The following PDK1 variants were observed in gnomAD, a reference collection of about 807,000 sequenced individuals.
PDK1 encodes the protein pyruvate dehydrogenase kinase 1, also known as [Pyruvate dehydrogenase (acetyl-transferring)] kinase isozyme 1, mitochondrial.
A neutral mutation model predicts 54.2 loss-of-function variants in PDK1; 39 were observed. The ratio of observed to expected loss-of-function variants is 0.72; its 90% CI spans 0.56 to 0.94. The LOEUF is 0.94. PDK1 is among the 40% of genes least tolerant of loss of function. The pLI, the probability that PDK1 is intolerant of heterozygous loss-of-function variation, is 0.00. For missense variants in PDK1, 552 were observed against 566.0 expected (o/e 0.98, Z 0.25); for synonymous variants, 221 against 207.1 (o/e 1.07, Z -0.58).
the PDK1 span, among the ~76,000 whole-genome samples, chr2:172,709,416 T>C: frequency 4.6e-5 from 7 of 152,262 alleles, no homozygotes; most frequent in South Asian, 2.1e-4. Flanking sequence ...CATCAATATG[T>C]TTTGTTGAAA....
the PDK1 span, among the ~76,000 whole-genome samples, chr2:172,711,865 CAAAAAAAAAAAAAA>C: frequency 1.3e-4 from 3 of 22,780 alleles, no homozygotes; most frequent in African/African-American, 3.9e-4. Flanking sequence ...GAACCTAGCT[CAAAAAAAAAAAAAA>C]AAAAAAAAAA....
chr2:172,583,668 CA>C (rs1171284551), intron 8 of PDK1, among the ~76,000 whole-genome samples: 1 of 151,992 alleles, frequency 6.6e-6, no homozygotes, highest in Non-Finnish European at 1.5e-5. Flanking sequence ...ATTCGAGGCA[CA>C]TCTTTCAATG....
the PDK1 span, among the ~76,000 whole-genome samples, chr2:172,616,537 G>A: frequency 1.3e-5 from 2 of 152,160 alleles, no homozygotes; most frequent in South Asian, 2.1e-4. Flanking sequence ...GAAAGGTGAG[G>A]GGATGATAAG....
chr2:172,693,829 T>C, the PDK1 span, among the ~76,000 whole-genome samples: 4 of 152,090 alleles, frequency 2.6e-5, no homozygotes, highest in African/African-American at 4.8e-5. Context: ...AGTCCTCTTG[T>C]CTTATGCAGG....
chr2:172,586,288 G>A lies in PDK1; in HGVS notation c.956G>A (p.Arg319Gln), dbSNP rs368778633. Residue 319 changes from arginine to glutamine, a missense_variant, in exon 9 of 11, where the codon CGA becomes CAA. Coordinates refer to ENST00000282077, the MANE Select transcript of PDK1 (RefSeq NM_002610.5). ...CTTTTCTTACCTTAGATGAGTGACCGAGGAGGTGGCGTTCCTTTGAGGAAA... is the reference window on the plus strand; with the variant it reads ...CTTTTCTTACCTTAGATGAGTGACCAAGGAGGTGGCGTTCCTTTGAGGAAA... The part of the protein sequence containing the change: ...NEDLTVKMSD[R>Q]GGGVPLRKID... 115 of 1,607,854 alleles carry A rather than the reference G, an allele frequency of 7.2e-5. No homozygotes were observed. The highest frequency in any genetic ancestry group is 6.6e-4 in the Middle Eastern group (4 of 6,042).
the PDK1 span, among the ~76,000 whole-genome samples, chr2:172,695,134 A>G: frequency 7.9e-5 from 12 of 152,126 alleles, no homozygotes; most frequent in Non-Finnish European, 1.0e-4. Context: ...CAAAACAAAA[A>G]AAGTTTAGCG....
chr2:172,668,084 G>A, the PDK1 span, among the ~76,000 whole-genome samples: 2 of 152,202 alleles, frequency 1.3e-5, no homozygotes, highest in East Asian at 1.9e-4. Context: ...TTTGAGAGAA[G>A]CTCCAGGAAG....
the PDK1 span, among the ~76,000 whole-genome samples, chr2:172,624,307 G>A: frequency 6.6e-6 from 1 of 152,196 alleles, no homozygotes; most frequent in African/African-American, 2.4e-5. Flanking sequence ...TCTGTGGCCT[G>A]TAAGGAACCC....
the PDK1 span, among the ~76,000 whole-genome samples, chr2:172,701,593 GT>G: frequency 1.3e-5 from 2 of 150,318 alleles, no homozygotes; most frequent in South Asian, 4.2e-4. Flanking sequence ...TCTTTTCAGA[GT>G]CTGTGAGTCC....
chr2:172,609,902 A>G (rs1287135042), downstream of PDK1, among the ~76,000 whole-genome samples: 1 of 151,926 alleles, frequency 6.6e-6, no homozygotes, highest in Non-Finnish European at 1.5e-5. Flanking sequence ...GCTCACTGCA[A>G]CCTCCGCCTC....
the PDK1 span, among the ~76,000 whole-genome samples, chr2:172,714,952 G>C: frequency 6.6e-6 from 1 of 152,092 alleles, no homozygotes. Context: ...AATGAAAAAT[G>C]AATATAGATT....
the PDK1 span, among the ~76,000 whole-genome samples, chr2:172,688,452 C>G: frequency 6.6e-6 from 1 of 152,164 alleles, no homozygotes; most frequent in South Asian, 2.1e-4. Flanking sequence ...CTGTGTTCTC[C>G]TTGCCAGCTG....
chr2:172,566,693 C>CAAA (rs764324321), intron 5 of PDK1, among the ~76,000 whole-genome samples, 163 bp from the exon 6 acceptor site: 37 of 59,552 alleles, frequency 6.2e-4, no homozygotes, highest in African/African-American at 2.0e-3. Context: ...ATGTCTCTAC[C>CAAA]AAAAAAAAAA....
At chr2:172,713,318 C>T in the PDK1 span, among the ~76,000 whole-genome samples, 1 of 152,206 alleles carries the variant, frequency 6.6e-6, no homozygotes, top group Non-Finnish European at 1.5e-5. Flanking sequence ...TCACTCCAGT[C>T]CGTGGAACTG....
At chr2:172,586,241 G>A in intron 8 of PDK1, 37 bp from the exon 9 acceptor site, 1 of 1,284,118 alleles carries the variant, frequency 7.8e-7, no homozygotes, top group African/African-American at 1.5e-5. Flanking sequence ...CTGTTTTGAG[G>A]ATTTGGGCAT....
At chr2:172,617,514 T>C in the PDK1 span, among the ~76,000 whole-genome samples, 1 of 152,070 alleles carries the variant, frequency 6.6e-6, no homozygotes, top group African/African-American at 2.4e-5. Context: ...TCTCTCTGCT[T>C]CCAAGATGGC....
the PDK1 span, among the ~76,000 whole-genome samples, chr2:172,661,363 C>T: frequency 6.6e-6 from 1 of 152,066 alleles, no homozygotes; most frequent in Non-Finnish European, 1.5e-5. Flanking sequence ...AATAAATACT[C>T]AAAAACCATC....
At chr2:172,711,865 CAAAAAAAAAAAA>C in the PDK1 span, among the ~76,000 whole-genome samples, 12 of 22,778 alleles carry the variant, frequency 5.3e-4, no homozygotes, top group South Asian at 0.015. Flanking sequence ...GAACCTAGCT[CAAAAAAAAAAAA>C]AAAAAAAAAA....
chr2:172,567,498 T>C (rs1186728909), intron 6 of PDK1, among the ~76,000 whole-genome samples: 1 of 152,240 alleles, frequency 6.6e-6, no homozygotes, highest in Non-Finnish European at 1.5e-5. Context: ...GAAAAAAGCA[T>C]TTCCTAAGAT....
Sources: allele counts gnomAD v4.1 joint callset (sites outside exome capture counted in the v4.1 genomes callset), GRCh38; gene constraint gnomAD v4.1.1; transcripts MANE v1.5; gene names NCBI Gene and HGNC (gene_info 2026-07-23, HGNC 2026-07-21).